ATP5MC2: variants seen among roughly 807,000 people sequenced by gnomAD.
ATP5MC2 encodes ATP synthase membrane subunit c locus 2.
Under a neutral mutation model 13.5 loss-of-function variants are expected in ATP5MC2, and 11 were observed. The ratio of observed to expected loss-of-function variants is 0.81; its 90% CI spans 0.51 to 1.35. The LOEUF (loss-of-function observed/expected upper bound fraction) is 1.35. Among genes scored for constraint, ATP5MC2 ranks in the 40% most tolerant of loss-of-function variants. The pLI, the probability that ATP5MC2 is intolerant of heterozygous loss-of-function variation, is 0.00. For synonymous variants in ATP5MC2, 64 were observed against 69.7 expected (o/e 0.92, Z 0.41); for missense variants, 132 against 175.0 (o/e 0.75, Z 1.39).
At chr12:53,671,902 C>T (rs1213214690) in intron 2 of ATP5MC2, among the ~76,000 whole-genome samples, 7 of 151,590 alleles carry the variant, frequency 4.6e-5, no homozygotes, top group South Asian at 2.1e-4. Flanking sequence ...GAGACCAGCC[C>T]GGCCAACATG....
intron 1 of ATP5MC2, among the ~76,000 whole-genome samples, chr12:53,675,675 G>A (rs957762840): frequency 6.6e-6 from 1 of 152,208 alleles, no homozygotes; most frequent in African/African-American, 2.4e-5. Context: ...GAAGGCACAA[G>A]TCAGGATGAG....
At chr12:53,675,173 G>A (rs889653070) in intron 1 of ATP5MC2, among the ~76,000 whole-genome samples, 2 of 152,166 alleles carry the variant, frequency 1.3e-5, no homozygotes, top group African/African-American at 4.8e-5. Flanking sequence ...TTTTTCCTCA[G>A]TGTAGATGAG....
chr12:53,677,313 A>G (rs1400880296), upstream of ATP5MC2: 1 of 152,182 alleles, frequency 6.6e-6, no homozygotes, highest in Non-Finnish European at 1.5e-5. Context: ...AGCCGCAGAC[A>G]GGCACACCCC....
chr12:53,678,242 T>G (rs1359292127), upstream of ATP5MC2, among the ~76,000 whole-genome samples: 3 of 152,178 alleles, frequency 2.0e-5, no homozygotes, highest in African/African-American at 7.2e-5. Context: ...ATAGTACTTA[T>G]CACACAGCCA....
upstream of ATP5MC2, among the ~76,000 whole-genome samples, chr12:53,680,248 A>C (rs1158260817): frequency 6.6e-6 from 1 of 152,168 alleles, no homozygotes; most frequent in Non-Finnish European, 1.5e-5. Context: ...AGCCTCCCAA[A>C]GTGTTGGGAT....
intron 4 of ATP5MC2, among the ~76,000 whole-genome samples, chr12:53,666,981 G>A: frequency 6.6e-6 from 1 of 150,880 alleles, no homozygotes; most frequent in Non-Finnish European, 1.5e-5. Flanking sequence ...AATGGTCTAT[G>A]GGGTTTATGA....
chr12:53,678,133 C>T (rs1945317135), upstream of ATP5MC2, among the ~76,000 whole-genome samples: 1 of 152,186 alleles, frequency 6.6e-6, no homozygotes, highest in Admixed American at 6.5e-5. Context: ...ATGGGTTCTG[C>T]GTTCAGACAA....
At chr12:53,677,718 C>A (rs1038362808), upstream of ATP5MC2, among the ~76,000 whole-genome samples, 8 of 152,180 alleles carry the variant, frequency 5.3e-5, no homozygotes, top group South Asian at 6.2e-4. Context: ...GCGCCCCGAG[C>A]GGGCAGGTAC....
At chr12:53,674,429 C>T (rs1009284114) in intron 1 of ATP5MC2, among the ~76,000 whole-genome samples, 11 of 152,218 alleles carry the variant, frequency 7.2e-5, no homozygotes, top group South Asian at 4.1e-4. Flanking sequence ...GTATACTTAA[C>T]GCAAGAGCGT....
chr12:53,677,645 G>T (rs1361650981), upstream of ATP5MC2, among the ~76,000 whole-genome samples: 1 of 152,198 alleles, frequency 6.6e-6, no homozygotes, highest in Non-Finnish European at 1.5e-5. Flanking sequence ...CGCATTTCCA[G>T]CTCCATCAGG....
upstream of ATP5MC2, among the ~76,000 whole-genome samples, chr12:53,677,739 G>T (rs1004697797): frequency 5.3e-5 from 8 of 152,220 alleles, no homozygotes; most frequent in African/African-American, 1.9e-4. Flanking sequence ...GTGGGAAATG[G>T]AACTGGGATC....
chr12:53,669,941 CT>C lies in ATP5MC2; in HGVS notation c.46del (p.Ser16AlafsTer6), dbSNP rs1565626603. ...KFVSTPSLVK[S>X]TSQLLSRPLS... is the part of the protein sequence containing the mutation. ...CGGACGGCTCAGCAGCTGTGAGGTG[CT>C]CTTGACCTAGCAGGAATGACATACA... On this transcript the variant is annotated frameshift_variant, in exon 3 of 5. Transcript: ENST00000394349. LOFTEE classifies it high-confidence loss of function. The C allele has an allele frequency of 6.2e-7, 1 of 1,613,904 alleles. No individual in the cohort carries two copies. The highest frequency in any genetic ancestry group is 1.7e-5 in the Admixed American group (1 of 60,012).
At chr12:53,672,386 T>G (rs1419061537) in intron 2 of ATP5MC2, among the ~76,000 whole-genome samples, 190 bp downstream of exon 2, 1 of 152,056 alleles carries the variant, frequency 6.6e-6, no homozygotes, top group Non-Finnish European at 1.5e-5. Context: ...CATGCCCAAC[T>G]GGTTTTCGTT....
chr12:53,671,197 G>A (rs1337006230), intron 2 of ATP5MC2, among the ~76,000 whole-genome samples: 1 of 152,210 alleles, frequency 6.6e-6, no homozygotes, highest in Non-Finnish European at 1.5e-5. Context: ...TTAGGCATCA[G>A]ATAAAGTGAG....
chr12:53,666,923 G>A (rs1247566759), intron 4 of ATP5MC2, among the ~76,000 whole-genome samples: 5 of 144,572 alleles, frequency 3.5e-5, no homozygotes. Context: ...TTCAGTCTGG[G>A]AGACAGCGAG....
chr12:53,672,623 G>T lies in ATP5MC2; in HGVS notation c.-9C>A. The stretch of plus-strand genomic sequence containing the variant: ...TTGGAGCAGGCGAACATTTTCAGGG[G>T]GTGAGGAGCTGTGGCAGGAGAGCTG... On this transcript the variant is annotated 5_prime_UTR_variant, in exon 2 of 5. Coordinates refer to ENST00000394349, the MANE Select transcript of ATP5MC2 (RefSeq NM_005176.7). The T allele has an allele frequency of 6.3e-7, 1 of 1,582,840 alleles. No individual in the cohort carries two copies. The highest frequency in any genetic ancestry group is 8.6e-7 in the Non-Finnish European group (1 of 1,164,204).
intron 1 of ATP5MC2, among the ~76,000 whole-genome samples, chr12:53,674,494 G>A (rs1945206654): frequency 6.6e-6 from 1 of 152,168 alleles, no homozygotes; most frequent in Non-Finnish European, 1.5e-5. Context: ...ACTTGAACTT[G>A]GATCTTTTAA....
chr12:53,667,956 C>CATATATACATATATATATAT (rs1944972325), intron 4 of ATP5MC2, among the ~76,000 whole-genome samples: 1 of 67,364 alleles, frequency 1.5e-5, no homozygotes, highest in Non-Finnish European at 3.1e-5. Flanking sequence ...CATACACACA[C>CATATATACATATATATATAT]ATATATATAT....
At position 53,669,160 on chromosome 12, in the gene ATP5MC2, A is replaced by G; in HGVS notation, c.299T>C (p.Ile100Thr). 6.2e-7 allele frequency: 1 copy of G among 1,610,584 alleles called. No individual in the cohort carries two copies. The highest frequency in any genetic ancestry group is 8.5e-7 in the Non-Finnish European group (1 of 1,178,366). ...CAACTTATCTTACCTGGCATAACCAATGATGAGGCTCCCAAACACAGTTCC... is the reference window on the plus strand; with the variant it reads ...CAACTTATCTTACCTGGCATAACCAGTGATGAGGCTCCCAAACACAGTTCC... The part of the protein sequence containing the change: ...GIGTVFGSLI[I>T]GYARNPSLKQ... Residue 100 changes from isoleucine to threonine, a missense_variant, in exon 4 of 5, where the codon ATT becomes ACT. By Grantham distance (89) the Ile-to-Thr change is moderately conservative. Coordinates refer to ENST00000394349, the MANE Select transcript of ATP5MC2 (RefSeq NM_005176.7).
Sources: gnomAD v4.1 joint callset for allele counts (sites outside exome capture counted in the v4.1 genomes callset) on GRCh38, gnomAD v4.1.1 for gene constraint, MANE v1.5 for transcripts, NCBI Gene and HGNC (gene_info 2026-07-23, HGNC 2026-07-21) for gene names.